The following BTG4 variants were observed in gnomAD, a reference collection of about 807,000 sequenced individuals.
BTG4 encodes the protein BTG anti-proliferation factor 4, also known as protein BTG4.
In BTG4, 10 loss-of-function variants were observed where a neutral mutation model predicts 19.3. That is an observed-to-expected ratio of 0.52 (90% confidence interval 0.32 to 0.88). The LOEUF is 0.88. BTG4 is among the 40% of genes least tolerant of loss of function. The pLI is 0.04. For missense variants in BTG4, 238 were observed against 281.9 expected (o/e 0.84, Z 1.11); for synonymous variants, 91 against 95.7 (o/e 0.95, Z 0.29).
At chr11:111,490,890 TA>T (rs1865376198), downstream of BTG4, among the ~76,000 whole-genome samples, 4 of 152,266 alleles carry the variant, frequency 2.6e-5, no homozygotes, top group African/African-American at 7.2e-5. Flanking sequence ...CATATGTTTT[TA>T]TTTCTCTGGA....
chr11:111,420,479 G>T, the BTG4 span, among the ~76,000 whole-genome samples: 8 of 152,348 alleles, frequency 5.3e-5, no homozygotes, highest in South Asian at 1.7e-3. Context: ...GCATGGTAGG[G>T]TGTGGACTCT....
the BTG4 span, among the ~76,000 whole-genome samples, chr11:111,437,117 TGCAGCCCCCA>T: frequency 6.6e-6 from 1 of 152,172 alleles, no homozygotes; most frequent in Non-Finnish European, 1.5e-5. Flanking sequence ...CCCAACCTGC[TGCAGCCCCCA>T]GCAGCCCCCA....
At chr11:111,489,521 T>C (rs1865281137) in intron 5 of BTG4, among the ~76,000 whole-genome samples, 1 of 152,270 alleles carries the variant, frequency 6.6e-6, no homozygotes, top group East Asian at 1.9e-4. Flanking sequence ...AGCTAACATA[T>C]GGAATCAACC....
At chr11:111,417,967 T>C in the BTG4 span, 1 of 152,228 alleles carries the variant, frequency 6.6e-6, no homozygotes, top group Non-Finnish European at 1.5e-5. Context: ...TTGACCAAAC[T>C]TGGCTTTGTG....
At chr11:111,386,802 C>T in the BTG4 span, among the ~76,000 whole-genome samples, 1 of 152,194 alleles carries the variant, frequency 6.6e-6, no homozygotes, top group African/African-American at 2.4e-5. Flanking sequence ...TGCCTTCAGG[C>T]AATTTCCCAC....
At chr11:111,454,840 G>A in the BTG4 span, 2 of 334,878 alleles carry the variant, frequency 6.0e-6, no homozygotes, top group South Asian at 3.9e-5. Flanking sequence ...GTTGGGGGTT[G>A]GGGGGTGGGG....
chr11:111,505,680 A>G (rs1157581604), intron 1 of BTG4, among the ~76,000 whole-genome samples: 2 of 152,074 alleles, frequency 1.3e-5, no homozygotes, highest in Non-Finnish European at 2.9e-5. Context: ...AATCAATAGG[A>G]TAAAAAGACA....
the BTG4 span, chr11:111,398,974 G>A: frequency 3.9e-5 from 6 of 152,194 alleles, no homozygotes; most frequent in African/African-American, 1.4e-4. Flanking sequence ...GCATAAAAGA[G>A]TTATTGAGCT....
At chr11:111,395,396 G>A in the BTG4 span, among the ~76,000 whole-genome samples, 28 of 147,904 alleles carry the variant, frequency 1.9e-4, no homozygotes, top group South Asian at 5.2e-3. Context: ...CCCTGCTCCC[G>A]GCAACCCCAG....
chr11:111,467,635 T>C (rs753186275), exon 6 of BTG4: 6 of 764,066 alleles, frequency 7.9e-6, no homozygotes, highest in East Asian at 5.0e-5. Context: ...AGGTGCCTTC[T>C]TCTACCAGGT....
At chr11:111,488,519 G>C (rs900468435) in intron 5 of BTG4, among the ~76,000 whole-genome samples, 2 of 152,146 alleles carry the variant, frequency 1.3e-5, no homozygotes, top group Admixed American at 1.3e-4. Context: ...TTGGGAACAT[G>C]TTCTAGAACA....
At chr11:111,404,165 T>G in the BTG4 span, among the ~76,000 whole-genome samples, 2 of 152,170 alleles carry the variant, frequency 1.3e-5, no homozygotes, top group Non-Finnish European at 2.9e-5. Context: ...AAGTTCTCTT[T>G]TCTTGCCTGC....
intron 5 of BTG4, among the ~76,000 whole-genome samples, chr11:111,488,139 A>G (rs542307860): frequency 2.0e-5 from 3 of 152,316 alleles, no homozygotes; most frequent in African/African-American, 4.8e-5. Flanking sequence ...GACCCAGAAC[A>G]GCCAATGCCA....
chr11:111,484,938 A>AT (rs1864967062), intron 5 of BTG4, among the ~76,000 whole-genome samples: 1 of 152,196 alleles, frequency 6.6e-6, no homozygotes, highest in Non-Finnish European at 1.5e-5. Flanking sequence ...TTCTATGCAA[A>AT]TGGAAACCAA....
chr11:111,435,904 AAGCTGCACG>A, the BTG4 span, among the ~76,000 whole-genome samples: 1 of 152,216 alleles, frequency 6.6e-6, no homozygotes, highest in Non-Finnish European at 1.5e-5. Context: ...CAAGCCCCAC[AAGCTGCACG>A]ATTTCCCAAA....
At chr11:111,420,481 G>A in the BTG4 span, among the ~76,000 whole-genome samples, 1 of 152,240 alleles carries the variant, frequency 6.6e-6, no homozygotes, top group Non-Finnish European at 1.5e-5. Context: ...ATGGTAGGGT[G>A]TGGACTCTGC....
upstream of BTG4, among the ~76,000 whole-genome samples, chr11:111,512,595 C>A (rs530147613): frequency 7.9e-5 from 12 of 152,096 alleles, no homozygotes; most frequent in South Asian, 2.5e-3. Context: ...GCCGAGGAGG[C>A]GAAGGGGAAA....
chr11:111,453,154 G>A, the BTG4 span, among the ~76,000 whole-genome samples: 1 of 152,156 alleles, frequency 6.6e-6, no homozygotes, highest in Admixed American at 6.5e-5. Context: ...CTAACCCCTA[G>A]GCAAGGGATA....
chr11:111,414,057 G>C, the BTG4 span, among the ~76,000 whole-genome samples: 1 of 152,204 alleles, frequency 6.6e-6, no homozygotes, highest in African/African-American at 2.4e-5. Flanking sequence ...CAAACTGAGA[G>C]TGAATGTGTC....
Sources: allele counts gnomAD v4.1 joint callset (sites outside exome capture counted in the v4.1 genomes callset), GRCh38; gene constraint gnomAD v4.1.1; transcripts MANE v1.5; gene names NCBI Gene and HGNC (gene_info 2026-07-23, HGNC 2026-07-21).